Variants in EBF1 observed in about 807,000 individuals in gnomAD.
EBF1 encodes transcription factor COE1.
Under a neutral mutation model 68.4 loss-of-function variants are expected in EBF1, and 10 were observed. That is an observed-to-expected ratio of 0.15 (90% CI 0.09 to 0.25). EBF1 has a LOEUF of 0.25. Ranked by LOEUF, EBF1 falls within the 10% of genes least tolerant of loss-of-function variation. The probability of loss-of-function intolerance (pLI) is 1.00; values close to 1 mark genes in which losing one functional copy is unlikely to be tolerated. For missense variants in EBF1, 509 were observed against 794.4 expected (o/e 0.64, Z 4.32); for synonymous variants, 298 against 299.8 (o/e 0.99, Z 0.06).
chr5:158,828,855 T>C (rs1582298199), intron 7 of EBF1, among the ~76,000 whole-genome samples: 1 of 152,138 alleles, frequency 6.6e-6, no homozygotes, highest in Admixed American at 6.5e-5. Context: ...TTTTGCAATT[T>C]AAGAAAATGA....
chr5:159,070,297 C>CT lies in EBF1; in HGVS notation c.554+3098dup, dbSNP rs771647870. Among the ~76,000 whole-genome samples the CT allele has an allele frequency of 7.2e-5, 11 of 152,242 alleles. No individual in the cohort carries two copies. In the East Asian group the frequency reaches 2.1e-3, roughly 29 times the overall value. The stretch of plus-strand genomic sequence containing the variant: ...GCATTTACAGCAATTTTTCTATAAA[C>CT]TTTTTTGAAGTGACTTGACAAATTG... On this transcript the variant is annotated intron_variant, in intron 6 of 15. Transcript: ENST00000313708.
chr5:159,065,586 T>G lies in EBF1; in HGVS notation c.554+7810A>C, dbSNP rs549304290. Reference sequence around the variant, plus strand: ...CCCACACATGGTATCAATATTAAGTTAATTGAGCAGCAAATGAGCAAAAAA... The same window carrying G: ...CCCACACATGGTATCAATATTAAGTGAATTGAGCAGCAAATGAGCAAAAAA... On this transcript the variant is annotated intron_variant, in intron 6 of 15. Coordinates refer to ENST00000313708, the MANE Select transcript of EBF1 (RefSeq NM_024007.5). Among the ~76,000 whole-genome samples the G allele has an allele frequency of 7.1e-4, 108 of 152,134 alleles. No individual in the cohort carries two copies. The Middle Eastern group carries it at 0.01, about 14-fold the overall frequency.
intron 8 of EBF1, among the ~76,000 whole-genome samples, chr5:158,802,198 A>G (rs1267690586): frequency 1.3e-5 from 2 of 152,124 alleles, no homozygotes; most frequent in Non-Finnish European, 2.9e-5. Context: ...TGTTTGGGGT[A>G]GCCATATAGA....
intron 10 of EBF1, among the ~76,000 whole-genome samples, chr5:158,761,878 CTT>C (rs1771538364): frequency 6.6e-6 from 1 of 152,114 alleles, no homozygotes; most frequent in African/African-American, 2.4e-5. Flanking sequence ...GGGCTCTTCT[CTT>C]TTTATGTAAA....
chr5:159,026,178 G>T (rs1340270198), intron 6 of EBF1, among the ~76,000 whole-genome samples: 2 of 152,056 alleles, frequency 1.3e-5, no homozygotes, highest in African/African-American at 4.8e-5. Flanking sequence ...ACTGCCCCGG[G>T]CTCAGTCTTT....
At chr5:159,073,833 C>A in intron 5 of EBF1, 1 of 196,384 alleles carries the variant, frequency 5.1e-6, no homozygotes, top group South Asian at 1.3e-4. Flanking sequence ...AACGTTCTTC[C>A]CTCAAGATCA....
At chr5:158,968,939 T>A (rs1160249458) in intron 6 of EBF1, among the ~76,000 whole-genome samples, 1 of 152,150 alleles carries the variant, frequency 6.6e-6, no homozygotes, top group Non-Finnish European at 1.5e-5. Context: ...AAAGGAAATT[T>A]GCTTCTTGTA....
rs536606135 is a variant in EBF1 at position 158,999,101 on chromosome 5, G to C, written c.554+74295C>G. Among the ~76,000 whole-genome samples, 9 of 152,072 alleles carry C rather than the reference G, an allele frequency of 5.9e-5. No individual in the cohort carries two copies. The East Asian group carries it at 1.7e-3, about 29-fold the overall frequency. ...CTCTTTGAAAGAAAAAAAAAAATCTGACAGAAAAAGAAACAGAATGAAAGC... is the reference window on the plus strand; with the variant it reads ...CTCTTTGAAAGAAAAAAAAAAATCTCACAGAAAAAGAAACAGAATGAAAGC... On this transcript the variant is annotated intron_variant, in intron 6 of 15. Coordinates refer to ENST00000313708, the MANE Select transcript of EBF1 (RefSeq NM_024007.5).
Position 158,877,935 on chromosome 5 carries a change from C to T in EBF1, c.555-37825G>A, listed in dbSNP as rs1016624533. 5.9e-5 allele frequency among the ~76,000 whole-genome samples: 9 copies of T among 152,040 alleles called. No homozygotes were observed. The South Asian group carries it at 1.7e-3, about 28-fold the overall frequency. ...TGCAAAACCAGCAAGGAATAGAATG[C>T]ATATGCCAACTCCTGAGTCACAATG... On this transcript the variant is annotated intron_variant, in intron 6 of 15. Coordinates refer to ENST00000313708, the MANE Select transcript of EBF1 (RefSeq NM_024007.5).
At chr5:158,895,733 C>T (rs1050962834) in intron 6 of EBF1, among the ~76,000 whole-genome samples, 1 of 152,164 alleles carries the variant, frequency 6.6e-6, no homozygotes, top group Non-Finnish European at 1.5e-5. Context: ...GCCTGAACTA[C>T]CTAACCAGTG....
intron 6 of EBF1, among the ~76,000 whole-genome samples, chr5:158,933,380 C>G (rs1811317823): frequency 6.6e-6 from 1 of 152,178 alleles, no homozygotes; most frequent in Admixed American, 6.5e-5. Flanking sequence ...ACAAAACAAG[C>G]CATCTTGTCA....
At chr5:158,757,199 G>T (rs1770314643) in intron 10 of EBF1, among the ~76,000 whole-genome samples, 1 of 152,176 alleles carries the variant, frequency 6.6e-6, no homozygotes, top group East Asian at 1.9e-4. Flanking sequence ...GCTTCAAAAG[G>T]CATGCTACAT....
At chr5:159,071,701 A>C (rs1190120916) in intron 6 of EBF1, among the ~76,000 whole-genome samples, 1 of 152,118 alleles carries the variant, frequency 6.6e-6, no homozygotes, top group Non-Finnish European at 1.5e-5. Flanking sequence ...GCTTCAAACC[A>C]AACGAAGAAC....
At chr5:158,717,013 T>C (rs1251407182) in intron 11 of EBF1, among the ~76,000 whole-genome samples, 1 of 152,234 alleles carries the variant, frequency 6.6e-6, no homozygotes, top group African/African-American at 2.4e-5. Flanking sequence ...TATGACATTA[T>C]GTAAGTAGAT....
intron 6 of EBF1, among the ~76,000 whole-genome samples, chr5:158,960,638 C>A (rs1817996113): frequency 6.6e-6 from 1 of 152,208 alleles, no homozygotes; most frequent in South Asian, 2.1e-4. Context: ...AGAGGTGGAA[C>A]TTCGTTTCTC....
At chr5:158,978,016 G>A (rs1056507190) in intron 6 of EBF1, among the ~76,000 whole-genome samples, 1 of 152,338 alleles carries the variant, frequency 6.6e-6, no homozygotes, top group East Asian at 1.9e-4. Flanking sequence ...CGGTCTACCC[G>A]TGGGTAAACT....
At chr5:158,919,646 C>G (rs7448534) in intron 6 of EBF1, among the ~76,000 whole-genome samples, 8,050 of 152,180 alleles carry the variant, frequency 0.053, 289 homozygotes, top group Non-Finnish European at 0.071. Context: ...CACATCTTCT[C>G]TCAACTAAAG....
chr5:158,831,905 G>A (rs1357731551), intron 7 of EBF1, among the ~76,000 whole-genome samples: 1 of 152,204 alleles, frequency 6.6e-6, no homozygotes, highest in Non-Finnish European at 1.5e-5. Context: ...TGAGTTTGGT[G>A]TATGTGGGGA....
intron 6 of EBF1, among the ~76,000 whole-genome samples, chr5:158,912,862 A>T (rs1583110367): frequency 6.6e-6 from 1 of 152,200 alleles, no homozygotes; most frequent in East Asian, 1.9e-4. Flanking sequence ...AAAAGGTTCT[A>T]GTAGTTATTC....
Sources: allele counts gnomAD v4.1 joint callset (sites outside exome capture counted in the v4.1 genomes callset), GRCh38; gene constraint gnomAD v4.1.1; transcripts MANE v1.5; gene names NCBI Gene and HGNC (gene_info 2026-07-23, HGNC 2026-07-21).